Variants in MCF2L2 observed in about 807,000 individuals in gnomAD.
MCF2L2 encodes the protein MCF.2 cell line derived transforming sequence-like 2.
In MCF2L2, 102 loss-of-function variants were observed where a neutral mutation model predicts 150.2. The observed-to-expected ratio is 0.68, with a 90% confidence interval of 0.58 to 0.80. The LOEUF (loss-of-function observed/expected upper bound fraction) is 0.80. Ranked by LOEUF, MCF2L2 falls within the 30% of genes least tolerant of loss-of-function variation. The pLI, the probability that MCF2L2 is intolerant of heterozygous loss-of-function variation, is 0.00. For synonymous variants in MCF2L2, 465 were observed against 491.3 expected (o/e 0.95, Z 0.71); for missense variants, 1,256 against 1,372.8 (o/e 0.91, Z 1.34).
At chr3:183,233,782 G>A in intron 15 of MCF2L2, among the ~76,000 whole-genome samples, 1 of 151,952 alleles carries the variant, frequency 6.6e-6, no homozygotes, top group Non-Finnish European at 1.5e-5. Context: ...TTTTATAATG[G>A]AAAAATAGGG....
At chr3:183,316,499 C>A (rs955165374) in intron 7 of MCF2L2, among the ~76,000 whole-genome samples, 4 of 151,622 alleles carry the variant, frequency 2.6e-5, no homozygotes, top group African/African-American at 9.7e-5. Context: ...TGCCTGCCAC[C>A]ATGCCCAGCT....
In MCF2L2 at chr3:183,223,436, T is replaced by C; in HGVS notation, c.2211A>G (p.Val737=). The C allele has an allele frequency of 6.2e-7, 1 of 1,612,814 alleles. No homozygotes were observed. Among genetic ancestry groups the C allele is most frequent in the Non-Finnish European group, 8.5e-7 (1 of 1,178,754 alleles). ...GATTGTGATCCAGTTGGCGCTGGCA[T>C]ACCTTTAAAAGCCAAATAGAAACAA... The part of the protein sequence containing the change: ...QECQDCAYFG[V]CQRQLDHNLP... The change falls in exon 20 of 30, where the codon GTA becomes GTG. Residue 737 remains valine, a splice_region_variant and synonymous_variant. Transcript: ENST00000328913.
intron 14 of MCF2L2, among the ~76,000 whole-genome samples, chr3:183,280,716 T>C (rs1727418755): frequency 6.6e-6 from 1 of 151,530 alleles, no homozygotes; most frequent in South Asian, 2.1e-4. Flanking sequence ...GGTATAGTGG[T>C]GCGCGCCTGT....
At chr3:183,299,898 G>A in intron 11 of MCF2L2, 107 bp downstream of exon 11, 1 of 1,201,030 alleles carries the variant, frequency 8.3e-7, no homozygotes. Flanking sequence ...TTCACATAAA[G>A]CACTCAAGCC....
At chr3:183,398,295 G>A (rs917669403) in intron 1 of MCF2L2, among the ~76,000 whole-genome samples, 6 of 152,132 alleles carry the variant, frequency 3.9e-5, no homozygotes, top group East Asian at 1.9e-4. Flanking sequence ...GTTTGCTTTC[G>A]CCACTCTCTC....
chr3:183,338,413 C>T (rs1209538651), intron 5 of MCF2L2, among the ~76,000 whole-genome samples: 1 of 147,214 alleles, frequency 6.8e-6, no homozygotes, highest in South Asian at 2.1e-4. Context: ...TGCCATTGTA[C>T]TCCAGCCTGG....
intron 10 of MCF2L2, among the ~76,000 whole-genome samples, chr3:183,303,461 T>A (rs528529977): frequency 6.6e-6 from 1 of 152,302 alleles, no homozygotes; most frequent in African/African-American, 2.4e-5. Flanking sequence ...ACTGCACTGC[T>A]TTAGCTGTTT....
intron 15 of MCF2L2, among the ~76,000 whole-genome samples, chr3:183,234,153 A>G (rs1389283947): frequency 6.6e-6 from 1 of 152,236 alleles, no homozygotes; most frequent in Non-Finnish European, 1.5e-5. Context: ...CCTGGCATCA[A>G]GTGGGACCAC....
intron 3 of MCF2L2, among the ~76,000 whole-genome samples, chr3:183,341,936 T>A (rs1192364749): frequency 6.6e-6 from 1 of 152,234 alleles, no homozygotes; most frequent in African/African-American, 2.4e-5. Flanking sequence ...ATTCCCAATG[T>A]AGGCGGAGGA....
At chr3:183,385,655 T>G (rs1713788273) in intron 2 of MCF2L2, among the ~76,000 whole-genome samples, 1 of 152,180 alleles carries the variant, frequency 6.6e-6, no homozygotes, top group African/African-American at 2.4e-5. Context: ...AAGATAAATA[T>G]AAAAGGACAA....
At chr3:183,230,438 A>G (rs1377955771) in intron 16 of MCF2L2, among the ~76,000 whole-genome samples, 4 of 152,214 alleles carry the variant, frequency 2.6e-5, no homozygotes, top group African/African-American at 9.6e-5. Flanking sequence ...TAATATCTGA[A>G]TAATGTTTAC....
At chr3:183,341,475 T>A (rs186105807) in intron 4 of MCF2L2, 65 bp downstream of exon 4, 2 of 1,298,262 alleles carry the variant, frequency 1.5e-6, no homozygotes, top group Admixed American at 1.8e-5. Context: ...AGGACTTTGA[T>A]ATGAAATAGT....
At chr3:183,336,333 T>C (rs1486128710) in intron 5 of MCF2L2, among the ~76,000 whole-genome samples, 1 of 152,152 alleles carries the variant, frequency 6.6e-6, no homozygotes, top group Non-Finnish European at 1.5e-5. Flanking sequence ...GTGATATTCT[T>C]TGTGCTATTC....
At chr3:183,395,917 C>CAAAAAAAAAAAAAAAAAAAA (rs11338932) in intron 1 of MCF2L2, among the ~76,000 whole-genome samples, 1 of 58,098 alleles carries the variant, frequency 1.7e-5, no homozygotes, top group African/African-American at 7.1e-5. Flanking sequence ...GACATCGTCT[C>CAAAAAAAAAAAAAAAAAAAA]AAAAAAAAAA....
At chr3:183,352,450 GA>G in intron 3 of MCF2L2, among the ~76,000 whole-genome samples, 1 of 152,200 alleles carries the variant, frequency 6.6e-6, no homozygotes, top group Non-Finnish European at 1.5e-5. Flanking sequence ...TTGAACCCCA[GA>G]GGCAGAGGTT....
intron 1 of MCF2L2, among the ~76,000 whole-genome samples, chr3:183,416,055 G>GT (rs1357816993): frequency 6.6e-6 from 1 of 151,730 alleles, no homozygotes; most frequent in Non-Finnish European, 1.5e-5. Flanking sequence ...TTATTCTATA[G>GT]TTTTTCATAT....
At chr3:183,420,645 AAAG>A (rs1291470249) in intron 1 of MCF2L2, among the ~76,000 whole-genome samples, 1 of 152,192 alleles carries the variant, frequency 6.6e-6, no homozygotes, top group East Asian at 1.9e-4. Context: ...TTTATAAAGG[AAAG>A]AAGTTTAACT....
chr3:183,286,099 T>G (rs1727777882), intron 14 of MCF2L2, among the ~76,000 whole-genome samples: 1 of 152,162 alleles, frequency 6.6e-6, no homozygotes, highest in African/African-American at 2.4e-5. Context: ...CCTGTCAAGT[T>G]TAGCTTCTCA....
chr3:183,245,367 C>A (rs990607736), intron 15 of MCF2L2, among the ~76,000 whole-genome samples: 2 of 152,230 alleles, frequency 1.3e-5, no homozygotes, highest in South Asian at 4.2e-4. Context: ...GGAGTAAACT[C>A]CAGCAGGGGC....
Sources: allele counts gnomAD v4.1 joint callset (sites outside exome capture counted in the v4.1 genomes callset), GRCh38; gene constraint gnomAD v4.1.1; transcripts MANE v1.5; gene names NCBI Gene and HGNC (gene_info 2026-07-23, HGNC 2026-07-21).